The following MTAP variants were observed in gnomAD, a reference collection of about 807,000 sequenced individuals.
The protein encoded by MTAP is S-methyl-5'-thioadenosine phosphorylase.
MTAP carries 33 observed loss-of-function variants against 33.6 expected under a neutral mutation model. The observed-to-expected ratio is 0.98, with a 90% CI of 0.74 to 1.31. The LOEUF is 1.31. Ranked by LOEUF, MTAP falls within the 40% of genes most tolerant of loss-of-function variation. The probability of loss-of-function intolerance (pLI) is 0.00; values close to 1 mark genes in which losing one functional copy is unlikely to be tolerated. For synonymous variants in MTAP, 148 were observed against 125.7 expected (o/e 1.18, Z -1.19); for missense variants, 367 against 360.0 (o/e 1.02, Z -0.16).
chr9:21,811,678 C>T, intron 1 of MTAP: 1 of 530,532 alleles, frequency 1.9e-6, no homozygotes, highest in Non-Finnish European at 3.9e-6. Context: ...TGGCCTCCTG[C>T]TACTGCTGGT....
intron 1 of MTAP, among the ~76,000 whole-genome samples, chr9:21,919,646 A>C (rs1317124299): frequency 6.6e-6 from 1 of 152,246 alleles, no homozygotes; most frequent in African/African-American, 2.4e-5. Context: ...CTATGTGACC[A>C]TAAGCATTTT....
intron 1 of MTAP, chr9:21,809,057 G>C (rs1273475466): frequency 1.3e-5 from 2 of 152,196 alleles, no homozygotes; most frequent in Non-Finnish European, 2.9e-5. Flanking sequence ...GCCTTTTTCA[G>C]CTTCTGGAGG....
intron 1 of MTAP, among the ~76,000 whole-genome samples, chr9:21,803,864 GC>G (rs774561506): frequency 6.6e-6 from 1 of 152,180 alleles, no homozygotes; most frequent in Non-Finnish European, 1.5e-5. Context: ...TGTGTAATCA[GC>G]CAGATTAGTT....
At chr9:21,911,348 A>T (rs1056949285) in intron 1 of MTAP, among the ~76,000 whole-genome samples, 3 of 152,226 alleles carry the variant, frequency 2.0e-5, no homozygotes, top group African/African-American at 7.2e-5. Flanking sequence ...ACCACACTGC[A>T]CCTATTCCAA....
At position 21,900,914 on chromosome 9, in the gene MTAP, G is replaced by T. The variant is rs559612111; in HGVS notation, c.148-30094G>T. 5.3e-5 allele frequency among the ~76,000 whole-genome samples: 8 copies of T among 152,284 alleles called. 1 individual carries two copies. Among genetic ancestry groups the T allele is most frequent in the African/African-American group, 1.7e-4 (7 of 41,548 alleles). ...TATTATCCTAAGTAAACTAACGCAA[G>T]AACAGAAAACCAAATACCTCATATT... On this transcript the variant is annotated intron_variant, in intron 1 of 1. Transcript: ENST00000577563.
chr9:21,931,385 C>A, downstream of MTAP: 1 of 499,454 alleles, frequency 2.0e-6, no homozygotes, highest in Non-Finnish European at 3.5e-6. Flanking sequence ...CTAGGAATGT[C>A]AGGTGAGCAT....
chr9:21,914,848 G>C lies in MTAP; in HGVS notation c.148-16160G>C, dbSNP rs545967319. ...ATATAGATAATATGGTAAATAAAAT[G>C]GAAAAATAGAAAAAAAAAGAAATTG... On this transcript the variant is annotated intron_variant, in intron 1 of 1. Coordinates refer to the MTAP transcript ENST00000577563. 6.0e-5 allele frequency among the ~76,000 whole-genome samples: 9 copies of C among 149,544 alleles called. No homozygotes were observed. In the East Asian group the frequency reaches 1.6e-3, roughly 26 times the overall value.
chr9:21,853,732 A>G (rs556506411), intron 5 of MTAP, among the ~76,000 whole-genome samples: 9 of 152,322 alleles, frequency 5.9e-5, no homozygotes, highest in South Asian at 2.1e-4. Context: ...CTATGCTTGT[A>G]TATACCTTAG....
At chr9:21,935,319 A>G (rs908997559), downstream of MTAP, 1 of 152,214 alleles carries the variant, frequency 6.6e-6, no homozygotes, top group African/African-American at 2.4e-5. Context: ...AGGCAAAATT[A>G]GTATAAACAG....
rs544933928 is a variant in MTAP, at chr9:21,851,127, C to G, written c.451-3504C>G. 7.9e-5 allele frequency among the ~76,000 whole-genome samples: 12 copies of G among 152,286 alleles called. No individual in the cohort carries two copies. The South Asian group carries it at 2.5e-3, about 32-fold the overall frequency. On this transcript the variant is annotated intron_variant, in intron 5 of 7. Transcript: ENST00000644715. Reference sequence around the variant, plus strand: ...AAGGTCATTGGGAAACTACAACAGCCCAATCCAGGCAGGACTACAAATGAC... The same window carrying G: ...AAGGTCATTGGGAAACTACAACAGCGCAATCCAGGCAGGACTACAAATGAC...
intron 5 of MTAP, among the ~76,000 whole-genome samples, chr9:21,848,023 G>C (rs1361131383): frequency 6.6e-6 from 1 of 152,170 alleles, no homozygotes; most frequent in Non-Finnish European, 1.5e-5. Context: ...TTTACCAGAA[G>C]AAACAGCTTT....
At chr9:21,931,565 A>G (rs1818959462), downstream of MTAP, 1 of 179,520 alleles carries the variant, frequency 5.6e-6, no homozygotes, top group Admixed American at 6.0e-5. Flanking sequence ...CATGGGCACT[A>G]AGAGGCAAAA....
At chr9:21,878,347 A>G (rs950477405) in intron 1 of MTAP, among the ~76,000 whole-genome samples, 10 of 151,864 alleles carry the variant, frequency 6.6e-5, no homozygotes, top group African/African-American at 9.7e-5. Context: ...TCATGTCTCA[A>G]TTTTGTTCAG....
chr9:21,811,921 T>C (rs113143944), intron 1 of MTAP: 77 of 343,758 alleles, frequency 2.2e-4, no homozygotes, highest in African/African-American at 1.6e-3. Flanking sequence ...TCTTGGGGGA[T>C]CCAACCAACA....
At chr9:21,867,702 CA>C (rs11397272), downstream of MTAP, among the ~76,000 whole-genome samples, 61 of 143,112 alleles carry the variant, frequency 4.3e-4, no homozygotes, top group South Asian at 8.8e-4. Flanking sequence ...AAATAAACTT[CA>C]AAAAAAAAAA....
chr9:21,825,523 ACTTT>A (rs1441291834), intron 4 of MTAP, among the ~76,000 whole-genome samples: 2 of 152,166 alleles, frequency 1.3e-5, no homozygotes, highest in African/African-American at 4.8e-5. Flanking sequence ...ATCAACACTT[ACTTT>A]GTTTTGTCAT....
At chr9:21,898,803 A>C (rs1280141133) in intron 1 of MTAP, among the ~76,000 whole-genome samples, 1 of 152,174 alleles carries the variant, frequency 6.6e-6, no homozygotes, top group Non-Finnish European at 1.5e-5. Context: ...AACTAGTTCA[A>C]CCATTGTGGA....
chr9:21,897,396 G>A (rs547354693), intron 1 of MTAP, among the ~76,000 whole-genome samples: 2 of 152,200 alleles, frequency 1.3e-5, no homozygotes, highest in Non-Finnish European at 2.9e-5. Context: ...TCAGGCAAGA[G>A]AAAGAAATAA....
In MTAP at chr9:21,818,317, CTTTTTTTT is replaced by C. The variant is rs35709813; in HGVS notation, c.347+135_347+142del. On this transcript the variant is annotated intron_variant, in intron 4 of 7. Transcript: ENST00000644715. ...GAGGGCAGTGCCACAGACTCGCTTG[CTTTTTTTT>C]TTTTTTTTTTTTTTTTTTTGGAGAC... 243 of 240,768 alleles carry C rather than the reference CTTTTTTTT, an allele frequency of 1.0e-3. 8 individuals carry two copies. The highest frequency in any genetic ancestry group is 4.7e-3 in the East Asian group (29 of 6,220). The allele number at this position is 240,768 out of a possible 1,614,324, so 14.9% of individuals were successfully genotyped here.
Sources: allele counts gnomAD v4.1 joint callset (sites outside exome capture counted in the v4.1 genomes callset), GRCh38; gene constraint gnomAD v4.1.1; transcripts MANE v1.5; gene names NCBI Gene and HGNC (gene_info 2026-07-23, HGNC 2026-07-21).